The following MKRN1 variants were observed in gnomAD, a reference collection of about 807,000 sequenced individuals.
MKRN1 encodes the protein makorin ring finger protein 1.
Under a neutral mutation model 55.5 loss-of-function variants are expected in MKRN1, and 9 were observed. The ratio of observed to expected loss-of-function variants is 0.16; its 90% CI spans 0.10 to 0.28. The LOEUF is 0.28. Ranked by LOEUF, MKRN1 falls within the 10% of genes least tolerant of loss-of-function variation. MKRN1 has a pLI of 1.00. For missense variants in MKRN1, 488 were observed against 626.7 expected (o/e 0.78, Z 2.36); for synonymous variants, 253 against 235.9 (o/e 1.07, Z -0.66).
intron 1 of MKRN1, chr7:140,478,548 A>G (rs1047185471): frequency 1.3e-5 from 2 of 151,816 alleles, no homozygotes; most frequent in Admixed American, 6.6e-5. Context: ...AAAGCTCAGC[A>G]CCGCCAACCT....
At chr7:140,460,760 C>A (rs746392284) in intron 2 of MKRN1, among the ~76,000 whole-genome samples, 16 of 152,302 alleles carry the variant, frequency 1.1e-4, no homozygotes, top group Non-Finnish European at 1.9e-4. Flanking sequence ...AGGCAATAGA[C>A]TGGGGGTCAC....
intron 1 of MKRN1, 56 bp from the exon 2 acceptor site, chr7:140,472,067 A>G: frequency 2.6e-5 from 42 of 1,604,652 alleles, no homozygotes; most frequent in Non-Finnish European, 3.5e-5. Flanking sequence ...AAATATTAAA[A>G]CTAATTAGTA....
At chr7:140,466,677 G>A (rs1446223022) in intron 2 of MKRN1, among the ~76,000 whole-genome samples, 3 of 151,998 alleles carry the variant, frequency 2.0e-5, no homozygotes, top group East Asian at 1.9e-4. Context: ...GGTGGCGGGC[G>A]CCTGTAGTCC....
At chr7:140,476,909 G>GT (rs1795135756) in intron 1 of MKRN1, among the ~76,000 whole-genome samples, 1 of 151,912 alleles carries the variant, frequency 6.6e-6, no homozygotes, top group African/African-American at 2.4e-5. Flanking sequence ...GAGAAAGCCC[G>GT]TCTCTACTAA....
intron 6 of MKRN1, 74 bp downstream of exon 6, chr7:140,455,716 C>T: frequency 8.3e-7 from 1 of 1,208,688 alleles, no homozygotes; most frequent in Non-Finnish European, 1.2e-6. Context: ...GTGTATAATG[C>T]AGCACCATTC....
rs61378275 is a variant in MKRN1 at position 140,455,398 on chromosome 7, C to CT, written c.1098-166dup. The CT allele has an allele frequency of 2.1e-4, 168 of 807,634 alleles. No individual in the cohort carries two copies. The African/African-American group carries it at 2.5e-3, about 12-fold the overall frequency. The allele number at this position is 807,634 out of a possible 1,614,324, so 50.0% of individuals were successfully genotyped here. The stretch of plus-strand genomic sequence containing the variant: ...CATGTGTGTGCCAATGCAAGAAACA[C>CT]TAACTAGAAACCGGTAACTCTGTTC... On this transcript the variant is annotated intron_variant, in intron 6 of 7. Coordinates refer to ENST00000255977, the MANE Select transcript of MKRN1 (RefSeq NM_013446.4).
Position 140,479,335 on chromosome 7 carries a change from C to T in MKRN1, c.10G>A (p.Ala4Thr), listed in dbSNP as rs1795224062. ...GTGGCTGTTGTTCCGGGAGTTGCAG[C>T]CTCCGCCATTACTGTTTATCCCACA... Reference protein sequence around the residue: MAEAATPGTTATTS... With the variant: MAETATPGTTATTS... The change falls in exon 1 of 8, where the codon GCT (alanine) becomes ACT (threonine). Residue 4 changes from alanine to threonine, a missense_variant. Physicochemically the swap from Ala to Thr is moderately conservative, Grantham distance 58. Transcript: ENST00000255977. 7.7e-6 allele frequency: 10 copies of T among 1,305,656 alleles called. No homozygotes were observed. Among genetic ancestry groups the T allele is most frequent in the Non-Finnish European group, 9.8e-6 (10 of 1,022,422 alleles). The allele number at this position is 1,305,656 out of a possible 1,614,324, so 80.9% of individuals were successfully genotyped here.
At chr7:140,460,585 G>A (rs965701222) in intron 2 of MKRN1, among the ~76,000 whole-genome samples, 3 of 152,090 alleles carry the variant, frequency 2.0e-5, no homozygotes, top group Non-Finnish European at 2.9e-5. Context: ...ACAGGTGTGA[G>A]CCACCACGTA....
intron 1 of MKRN1, 89 bp downstream of exon 1, chr7:140,479,071 G>A: frequency 8.1e-7 from 1 of 1,233,054 alleles, no homozygotes; most frequent in Non-Finnish European, 1.0e-6. Context: ...GCCTCTAGCC[G>A]CAGGCCGGCC....
At chr7:140,459,667 C>T (rs73485155) in intron 3 of MKRN1, 40 bp downstream of exon 3, 4 of 1,576,292 alleles carry the variant, frequency 2.5e-6, no homozygotes, top group Non-Finnish European at 3.5e-6. Context: ...GAACTGCTAT[C>T]CAGCCCTCTA....
intron 4 of MKRN1, among the ~76,000 whole-genome samples, chr7:140,457,107 C>T (rs918404050): frequency 3.3e-5 from 5 of 151,866 alleles, no homozygotes; most frequent in East Asian, 1.9e-4. Flanking sequence ...GACTCAACTT[C>T]GGGAACTGAA....
chr7:140,466,624 G>A (rs1336620974), intron 2 of MKRN1, among the ~76,000 whole-genome samples: 1 of 151,068 alleles, frequency 6.6e-6, no homozygotes, highest in Non-Finnish European at 1.5e-5. Context: ...CTAACAAGGT[G>A]AAACCCCGTC....
rs759734863 is a variant in MKRN1, at chr7:140,454,344, C to T, written c.*173G>A. 1 of 626,908 alleles carries T rather than the reference C, an allele frequency of 1.6e-6. No individual in the cohort carries two copies. Among genetic ancestry groups the T allele is most frequent in the East Asian group, 2.8e-5 (1 of 36,304 alleles). 38.8% of individuals were successfully genotyped at this position (626,908 alleles called of 1,614,324 possible). A position where few individuals can be genotyped will look rare whatever the true frequency, so the allele number is the denominator to read the frequency against. On this transcript the variant is annotated 3_prime_UTR_variant, in exon 8 of 8. Transcript: ENST00000255977. ...ACTTTTTTCAACAGGGAAAACAACA[C>T]ACTCCTCAGGGAAAGGTGAGGGGTT...
chr7:140,470,273 T>A lies in MKRN1; in HGVS notation c.314+1610A>T, dbSNP rs184351524. 1.1e-4 allele frequency among the ~76,000 whole-genome samples: 16 copies of A among 148,494 alleles called. No homozygotes were observed. In the East Asian group the frequency reaches 3.0e-3, roughly 28 times the overall value. On this transcript the variant is annotated intron_variant, in intron 2 of 7. Transcript: ENST00000255977. ...AACCAAAGTCTCCTGCCAACAGTCATGAGAGTAAGACCTCTTAAAAACAAT... is the reference window on the plus strand; with the variant it reads ...AACCAAAGTCTCCTGCCAACAGTCAAGAGAGTAAGACCTCTTAAAAACAAT...
At position 140,479,454 on chromosome 7, in the gene MKRN1, G is replaced by T; in HGVS notation, c.-110C>A. The T allele has an allele frequency of 8.8e-7, 1 of 1,131,100 alleles. No homozygotes were observed. The highest frequency in any genetic ancestry group is 1.1e-6 in the Non-Finnish European group (1 of 891,030). 70.1% of individuals were successfully genotyped at this position (1,131,100 alleles called of 1,614,324 possible). A position where few individuals can be genotyped will look rare whatever the true frequency, so the allele number is the denominator to read the frequency against. ...CAGGCGAGGGGAGGGGAAGGACACTGAGGCACCCGTTCGGTCCCCGCCTGC... is the reference window on the plus strand; with the variant it reads ...CAGGCGAGGGGAGGGGAAGGACACTTAGGCACCCGTTCGGTCCCCGCCTGC... On this transcript the variant is annotated 5_prime_UTR_variant, in exon 1 of 8. Transcript: ENST00000255977.
chr7:140,473,314 ACT>A (rs1215533077), intron 1 of MKRN1: 3 of 438,860 alleles, frequency 6.8e-6, no homozygotes, highest in African/African-American at 4.1e-5. Context: ...CACTGTGCAG[ACT>A]CTGTCTCCAT....
In MKRN1 at chr7:140,462,791, C is replaced by T. The variant is rs550248048; in HGVS notation, c.315-2855G>A. Among the ~76,000 whole-genome samples the T allele has an allele frequency of 5.7e-4, 86 of 152,134 alleles. 1 individual carries two copies. Among genetic ancestry groups the T allele is most frequent in the Admixed American group, 1.5e-3 (23 of 15,256 alleles). On this transcript the variant is annotated intron_variant, in intron 2 of 7. Transcript: ENST00000255977. ...CATCCTGGCTAACACGGTGAAACCC[C>T]GTCTCTACTAAAAAATACAAAAAAA...
At chr7:140,463,867 C>T (rs913689900) in intron 2 of MKRN1, among the ~76,000 whole-genome samples, 9 of 151,034 alleles carry the variant, frequency 6.0e-5, no homozygotes, top group East Asian at 2.0e-4. Flanking sequence ...CCAGCCTGGG[C>T]GACAGAGCAA....
intron 2 of MKRN1, among the ~76,000 whole-genome samples, chr7:140,468,861 A>C (rs1794842302): frequency 6.6e-6 from 1 of 152,100 alleles, no homozygotes; most frequent in East Asian, 1.9e-4. Flanking sequence ...CAACTTCTGA[A>C]CTTCTACACA....
Sources: gnomAD v4.1 joint callset for allele counts (sites outside exome capture counted in the v4.1 genomes callset) on GRCh38, gnomAD v4.1.1 for gene constraint, MANE v1.5 for transcripts, NCBI Gene and HGNC (gene_info 2026-07-23, HGNC 2026-07-21) for gene names.